Variants in MREG observed in about 807,000 individuals in gnomAD.
MREG encodes melanoregulin.
A neutral mutation model predicts 28.5 loss-of-function variants in MREG; 31 were observed. That is an observed-to-expected ratio of 1.09 (90% CI 0.82 to 1.47). The LOEUF (loss-of-function observed/expected upper bound fraction) is 1.47, where lower values mean the gene tolerates loss of function less well. Ranked by LOEUF, MREG falls within the 40% of genes most tolerant of loss-of-function variation. The pLI is 0.00. For synonymous variants in MREG, 106 were observed against 95.2 expected (o/e 1.11, Z -0.66); for missense variants, 256 against 257.4 (o/e 0.99, Z 0.04).
chr2:215,944,798 G>A lies in MREG; in HGVS notation c.*65C>T, dbSNP rs149474945. On this transcript the variant is annotated 3_prime_UTR_variant, in exon 5 of 5. Coordinates refer to ENST00000263268, the MANE Select transcript of MREG (RefSeq NM_018000.3). Reference sequence around the variant, plus strand: ...TGCTCACTCTCTTCTACATGTAATTGTCCAACTTTGGTTGACTGCTGAGTC... The same window carrying A: ...TGCTCACTCTCTTCTACATGTAATTATCCAACTTTGGTTGACTGCTGAGTC... 1.8e-5 allele frequency: 26 copies of A among 1,478,434 alleles called. No individual in the cohort carries two copies. The highest frequency in any genetic ancestry group is 7.6e-5 in the Admixed American group (4 of 52,610). 91.6% of individuals were successfully genotyped at this position (1,478,434 alleles called of 1,614,324 possible). A position where few individuals can be genotyped will look rare whatever the true frequency, so the allele number is the denominator to read the frequency against.
At position 216,007,403 on chromosome 2, in the gene MREG, TTTTATTTA is replaced by T. The variant is rs113045457; in HGVS notation, c.95+5822_95+5829del. On this transcript the variant is annotated intron_variant, in intron 1 of 4. Transcript: ENST00000263268. ...TCCTTTTTGTGATCACTTAGCAACA[TTTTATTTA>T]TTTATTTATTTATTTATTTATTTAT... 1.1e-3 allele frequency among the ~76,000 whole-genome samples: 156 copies of T among 142,840 alleles called. 2 individuals carry two copies. The highest frequency in any genetic ancestry group is 3.5e-3 in the South Asian group (15 of 4,312). 93.7% of individuals were successfully genotyped at this position (142,840 alleles called of 152,430 possible). A position where few individuals can be genotyped will look rare whatever the true frequency, so the allele number is the denominator to read the frequency against.
At chr2:216,028,689 T>G (rs1385205387) in intron 1 of MREG, among the ~76,000 whole-genome samples, 4 of 152,176 alleles carry the variant, frequency 2.6e-5, no homozygotes, top group Non-Finnish European at 4.4e-5. Flanking sequence ...CACTGTACTC[T>G]AGATATTTTC....
intron 1 of MREG, among the ~76,000 whole-genome samples, chr2:215,998,862 A>C (rs1693940614): frequency 6.6e-6 from 1 of 152,220 alleles, no homozygotes; most frequent in African/African-American, 2.4e-5. Flanking sequence ...TAAATAGGAC[A>C]TTGTCTCTGC....
At chr2:215,996,588 A>T in intron 1 of MREG, 123 bp from the exon 2 acceptor site, 1 of 693,790 alleles carries the variant, frequency 1.4e-6, no homozygotes, top group Non-Finnish European at 2.3e-6. Context: ...TATATTGTCA[A>T]AAAGGTCTGA....
intron 2 of MREG, among the ~76,000 whole-genome samples, chr2:215,988,740 G>A (rs1042427246): frequency 6.6e-6 from 1 of 152,220 alleles, no homozygotes; most frequent in African/African-American, 2.4e-5. Flanking sequence ...GGCTTGGGCA[G>A]GCAGTTTTTC....
intron 2 of MREG, among the ~76,000 whole-genome samples, chr2:215,969,941 AG>A (rs764085402): frequency 6.6e-6 from 1 of 152,234 alleles, no homozygotes; most frequent in Non-Finnish European, 1.5e-5. Flanking sequence ...TCATTTAGTT[AG>A]AAAGCATTCA....
intron 1 of MREG, among the ~76,000 whole-genome samples, chr2:216,027,585 T>C (rs952436937): frequency 2.0e-5 from 3 of 152,084 alleles, no homozygotes; most frequent in African/African-American, 4.8e-5. Context: ...CCCAGCTACT[T>C]GGGAGGTTGA....
intron 1 of MREG, among the ~76,000 whole-genome samples, chr2:216,024,941 GGGAAAGGAAGGGAAAGGAAA>G (rs1694573105): frequency 3.1e-5 from 3 of 97,782 alleles, no homozygotes; most frequent in African/African-American, 1.3e-4. Flanking sequence ...CGGAAAGGAA[GGGAAAGGAAGGGAAAGGAAA>G]GGAAAGGAAA....
chr2:215,990,107 G>A (rs1202730894), intron 2 of MREG, among the ~76,000 whole-genome samples: 1 of 152,076 alleles, frequency 6.6e-6, no homozygotes, highest in Non-Finnish European at 1.5e-5. Flanking sequence ...GATTCACCAA[G>A]GTTGAAATGA....
rs1183207354 is a variant in MREG at position 215,943,378 on chromosome 2, A to G, written c.*1485T>C. ...TTTTGAAAATTATCTTCTGAAGAGA[A>G]GAAGGTCCAGCAAAGATCTTCAGTG... On this transcript the variant is annotated 3_prime_UTR_variant, in exon 5 of 5. Coordinates refer to ENST00000263268, the MANE Select transcript of MREG (RefSeq NM_018000.3). The G allele has an allele frequency of 2.2e-6, 1 of 456,694 alleles. No individual in the cohort carries two copies. The allele number at this position is 456,694 out of a possible 1,614,324, so 28.3% of individuals were successfully genotyped here. A position where few individuals can be genotyped will look rare whatever the true frequency, so the allele number is the denominator to read the frequency against.
chr2:215,953,892 C>T (rs144157302), intron 2 of MREG, among the ~76,000 whole-genome samples: 8 of 152,292 alleles, frequency 5.3e-5, no homozygotes, highest in South Asian at 2.1e-4. Context: ...ATTTTCCCAC[C>T]CTTGCCTCCA....
intron 1 of MREG, among the ~76,000 whole-genome samples, chr2:216,030,550 AT>A (rs538194722): frequency 0.022 from 3,215 of 148,154 alleles, 128 homozygotes; most frequent in African/African-American, 0.074. Context: ...ATATTTTGCA[AT>A]TTTTTTTTTT....
At chr2:216,007,206 C>A (rs947804433) in intron 1 of MREG, among the ~76,000 whole-genome samples, 2 of 152,106 alleles carry the variant, frequency 1.3e-5, no homozygotes, top group Non-Finnish European at 2.9e-5. Context: ...TTCGCCCACT[C>A]GTCAAAATTT....
Position 216,013,369 on chromosome 2 carries a change from AG to A in MREG, c.-43del. 7.0e-7 allele frequency: 1 copy of A among 1,426,748 alleles called. No homozygotes were observed. Among genetic ancestry groups the A allele is most frequent in the South Asian group, 1.4e-5 (1 of 73,170 alleles). The allele number at this position is 1,426,748 out of a possible 1,614,324, so 88.4% of individuals were successfully genotyped here. A position where few individuals can be genotyped will look rare whatever the true frequency, so the allele number is the denominator to read the frequency against. On this transcript the variant is annotated 5_prime_UTR_variant, in exon 1 of 5. Coordinates refer to ENST00000263268, the MANE Select transcript of MREG (RefSeq NM_018000.3). ...CACCGGCGCCGGAAGCCTGGGGCCGAGTCGCCGCGGCGAGCGATCGAGGCTG... is the reference window on the plus strand; with the variant it reads ...CACCGGCGCCGGAAGCCTGGGGCCGATCGCCGCGGCGAGCGATCGAGGCTG...
At chr2:216,016,604 AAC>A (rs1457425906), upstream of MREG, among the ~76,000 whole-genome samples, 1 of 152,242 alleles carries the variant, frequency 6.6e-6, no homozygotes, top group Non-Finnish European at 1.5e-5. Flanking sequence ...TACCCTATTT[AAC>A]ACAGTTGTGA....
At chr2:216,017,191 G>A (rs543256340), upstream of MREG, among the ~76,000 whole-genome samples, 9 of 152,286 alleles carry the variant, frequency 5.9e-5, no homozygotes, top group East Asian at 1.9e-4. Flanking sequence ...TCTAAAAGGC[G>A]TGCAGCATCT....
intron 2 of MREG, among the ~76,000 whole-genome samples, chr2:215,991,565 G>A (rs1479250020): frequency 6.6e-6 from 1 of 150,540 alleles, no homozygotes; most frequent in Non-Finnish European, 1.5e-5. Context: ...AGGAGGTAGA[G>A]ACACGAAAAA....
intron 2 of MREG, among the ~76,000 whole-genome samples, chr2:215,951,427 C>T (rs1052980018): frequency 5.3e-5 from 8 of 152,178 alleles, no homozygotes; most frequent in African/African-American, 1.7e-4. Flanking sequence ...CATATTCTTC[C>T]CAAGTGACTT....
intron 2 of MREG, among the ~76,000 whole-genome samples, chr2:215,958,262 T>A (rs1468442387): frequency 6.7e-6 from 1 of 149,338 alleles, no homozygotes; most frequent in African/African-American, 2.5e-5. Context: ...ATAATAATAA[T>A]AAAATAAAAA....
Sources: allele counts gnomAD v4.1 joint callset (sites outside exome capture counted in the v4.1 genomes callset), GRCh38; gene constraint gnomAD v4.1.1; transcripts MANE v1.5; gene names NCBI Gene and HGNC (gene_info 2026-07-23, HGNC 2026-07-21).